Variants in PTBP3 observed in about 807,000 individuals in gnomAD.
PTBP3 encodes the protein polypyrimidine tract-binding protein 3.
Under a neutral mutation model 58.7 loss-of-function variants are expected in PTBP3, and 20 were observed. That is an observed-to-expected ratio of 0.34 (90% CI 0.24 to 0.50). PTBP3 has a LOEUF of 0.50. PTBP3 is among the 20% of genes least tolerant of loss of function. The probability of loss-of-function intolerance (pLI) is 0.98; values close to 1 mark genes in which losing one functional copy is unlikely to be tolerated. For missense variants in PTBP3, 509 were observed against 637.2 expected (o/e 0.80, Z 2.17); for synonymous variants, 185 against 219.8 (o/e 0.84, Z 1.40).
chr9:112,270,349 C>T (rs1033924050), intron 3 of PTBP3, among the ~76,000 whole-genome samples: 2 of 152,178 alleles, frequency 1.3e-5, no homozygotes, highest in East Asian at 1.9e-4. Context: ...TATATACATA[C>T]ACACACGTGC....
At chr9:112,341,086 TTTTTTG>T in the PTBP3 span, among the ~76,000 whole-genome samples, 9 of 152,006 alleles carry the variant, frequency 5.9e-5, no homozygotes, top group African/African-American at 1.4e-4. Flanking sequence ...TCTTGTGGGG[TTTTTTG>T]TTTTTGTTTT....
chr9:112,260,350 T>G (rs1292705761), intron 5 of PTBP3, among the ~76,000 whole-genome samples: 2 of 152,202 alleles, frequency 1.3e-5, no homozygotes, highest in Non-Finnish European at 2.9e-5. Flanking sequence ...AAGGGGTAAG[T>G]TACTTGCCCA....
intron 1 of PTBP3, among the ~76,000 whole-genome samples, chr9:112,328,800 T>C (rs918840814): frequency 6.6e-6 from 1 of 152,030 alleles, no homozygotes; most frequent in Non-Finnish European, 1.5e-5. Context: ...CAAAAAACCA[T>C]GAATGAACAC....
chr9:112,311,730 A>C (rs1402345827), intron 1 of PTBP3, among the ~76,000 whole-genome samples: 1 of 152,170 alleles, frequency 6.6e-6, no homozygotes, highest in Non-Finnish European at 1.5e-5. Flanking sequence ...AGGATAGCTT[A>C]AGGCCAGGAG....
At chr9:112,252,972 C>G (rs371582076) in intron 5 of PTBP3, among the ~76,000 whole-genome samples, 184 bp from the exon 6 acceptor site, 6 of 152,144 alleles carry the variant, frequency 3.9e-5, no homozygotes, top group African/African-American at 1.4e-4. Flanking sequence ...CAACAACGCC[C>G]GGTACACAAC....
At chr9:112,309,661 G>A (rs1829392717) in intron 1 of PTBP3, among the ~76,000 whole-genome samples, 1 of 151,932 alleles carries the variant, frequency 6.6e-6, no homozygotes, top group Admixed American at 6.6e-5. Context: ...GGTGGTGGAC[G>A]CCTGTAATCC....
intron 1 of PTBP3, among the ~76,000 whole-genome samples, chr9:112,305,840 T>G (rs1237973413): frequency 6.6e-6 from 1 of 152,036 alleles, no homozygotes; most frequent in Admixed American, 6.6e-5. Context: ...CTCGGAAGGC[T>G]GAGGCAGGAG....
chr9:112,276,083 T>C lies in PTBP3; in HGVS notation c.35-70A>G, dbSNP rs1272597330. Reference sequence around the variant, plus strand: ...GGTTGACATACTACATTAATCATATTGTCACATTTAATCCTAAATGAGTTT... The same window carrying C: ...GGTTGACATACTACATTAATCATATCGTCACATTTAATCCTAAATGAGTTT... On this transcript the variant is annotated intron_variant, in intron 2 of 13. Coordinates refer to ENST00000374257, the MANE Select transcript of PTBP3 (RefSeq NM_001163788.4). 5.0e-6 allele frequency: 7 copies of C among 1,393,614 alleles called. No individual in the cohort carries two copies. In the Admixed American group the frequency reaches 1.1e-4, roughly 22 times the overall value. 86.3% of individuals were successfully genotyped at this position (1,393,614 alleles called of 1,614,324 possible). A position where few individuals can be genotyped will look rare whatever the true frequency, so the allele number is the denominator to read the frequency against.
chr9:112,326,012 T>C (rs982501395), intron 1 of PTBP3, among the ~76,000 whole-genome samples: 1 of 70,490 alleles, frequency 1.4e-5, no homozygotes, highest in Non-Finnish European at 2.6e-5. Flanking sequence ...AGTGAGACCC[T>C]GTCTCAAACA....
the PTBP3 span, among the ~76,000 whole-genome samples, chr9:112,375,430 G>C: frequency 6.6e-6 from 1 of 152,202 alleles, no homozygotes; most frequent in African/African-American, 2.4e-5. Context: ...CTGGCCTGCA[G>C]GGATGTCCTA....
At chr9:112,310,591 G>A (rs1484930842) in intron 1 of PTBP3, among the ~76,000 whole-genome samples, 1 of 152,148 alleles carries the variant, frequency 6.6e-6, no homozygotes, top group Non-Finnish European at 1.5e-5. Context: ...GGGAACAAAC[G>A]AAATCCCTGC....
intron 4 of PTBP3, among the ~76,000 whole-genome samples, chr9:112,266,726 AT>A (rs947530530): frequency 6.6e-6 from 1 of 152,206 alleles, no homozygotes; most frequent in Admixed American, 6.5e-5. Context: ...ATTTCAAAAC[AT>A]TTTGTGTAAA....
the PTBP3 span, among the ~76,000 whole-genome samples, chr9:112,365,735 C>T: frequency 1.2e-3 from 185 of 152,164 alleles, 2 homozygotes; most frequent in African/African-American, 4.3e-3. Context: ...GACAGGAAAA[C>T]GTGGAGAAGT....
chr9:112,247,026 A>G (rs1835906451), intron 7 of PTBP3, among the ~76,000 whole-genome samples: 1 of 151,896 alleles, frequency 6.6e-6, no homozygotes, highest in African/African-American at 2.4e-5. Context: ...TAAAAATCCA[A>G]CAGTCCAACC....
intron 2 of PTBP3, among the ~76,000 whole-genome samples, chr9:112,283,516 G>A (rs1157420109): frequency 6.6e-6 from 1 of 152,194 alleles, no homozygotes; most frequent in Non-Finnish European, 1.5e-5. Flanking sequence ...ATGATTTAGG[G>A]TATCTGGCAG....
Position 112,318,539 on chromosome 9 carries a change from C to T in PTBP3, c.-52+14931G>A, listed in dbSNP as rs979139820. On this transcript the variant is annotated intron_variant, in intron 1 of 13. Coordinates refer to ENST00000374257, the MANE Select transcript of PTBP3 (RefSeq NM_001163788.4). ...CTCTGGGAGGCCAAGGTGGGCAGAT[C>T]ACTTGAGGTCAGGAGTTCAAGACCA... 3.9e-5 allele frequency among the ~76,000 whole-genome samples: 6 copies of T among 152,282 alleles called. 1 individual carries two copies. The South Asian group carries it at 6.2e-4, about 16-fold the overall frequency.
At chr9:112,328,568 C>T (rs1830244657) in intron 1 of PTBP3, among the ~76,000 whole-genome samples, 1 of 152,198 alleles carries the variant, frequency 6.6e-6, no homozygotes, top group African/African-American at 2.4e-5. Flanking sequence ...GGCACAGTGG[C>T]TCATGCCTGC....
At chr9:112,337,799 T>TCC (rs1830589200), upstream of PTBP3, among the ~76,000 whole-genome samples, 1 of 152,242 alleles carries the variant, frequency 6.6e-6, no homozygotes, top group African/African-American at 2.4e-5. Context: ...ACACTTGCCT[T>TCC]AAGGCATTCC....
rs150029654 is a variant in PTBP3 at position 112,235,538 on chromosome 9, C to T, written c.803-641G>A. ...GTTGACTGTATATCATCAACAAAAA[C>T]GGGAGTTCCAATGGAGAGTCAGTTT... is the stretch of plus-strand genomic sequence containing the variant. On this transcript the variant is annotated intron_variant, in intron 7 of 13. Coordinates refer to ENST00000374257, the MANE Select transcript of PTBP3 (RefSeq NM_001163788.4). Among the ~76,000 whole-genome samples, 61 of 152,194 alleles carry T rather than the reference C, an allele frequency of 4.0e-4. No homozygotes were observed. The East Asian group carries it at 7.1e-3, about 18-fold the overall frequency.
Sources: allele counts gnomAD v4.1 joint callset (sites outside exome capture counted in the v4.1 genomes callset), GRCh38; gene constraint gnomAD v4.1.1; transcripts MANE v1.5; gene names NCBI Gene and HGNC (gene_info 2026-07-23, HGNC 2026-07-21).